RIMS2: variants seen among roughly 807,000 people sequenced by gnomAD.
RIMS2 encodes the protein regulating synaptic membrane exocytosis protein 2.
A neutral mutation model predicts 174.4 loss-of-function variants in RIMS2; 59 were observed. The ratio of observed to expected loss-of-function variants is 0.34; its 90% CI spans 0.27 to 0.42. RIMS2 has a LOEUF of 0.42. RIMS2 is among the 10% of genes least tolerant of loss of function. RIMS2 has a pLI of 1.00. For synonymous variants in RIMS2, 606 were observed against 572.5 expected (o/e 1.06, Z -0.84); for missense variants, 1,620 against 1,666.3 (o/e 0.97, Z 0.48).
rs566187703 is a variant in RIMS2 at position 103,892,358 on chromosome 8, G to A, written c.1624+6135G>A. On this transcript the variant is annotated intron_variant, in intron 4 of 23. Transcript: ENST00000504942. ...GCTGGGACCACAGGCTTTCACCACC[G>A]AGCCCAGCTAATTTTTTTTATTTTT... Among the ~76,000 whole-genome samples the A allele has an allele frequency of 1.8e-3, 275 of 151,358 alleles. 1 individual carries two copies. Among genetic ancestry groups the A allele is most frequent in the African/African-American group, 6.5e-3 (270 of 41,298 alleles).
chr8:103,848,599 C>A (rs1564899000), intron 3 of RIMS2, among the ~76,000 whole-genome samples: 1 of 152,046 alleles, frequency 6.6e-6, no homozygotes, highest in East Asian at 1.9e-4. Flanking sequence ...CCATTTCTAC[C>A]CTGACTACAT....
chr8:104,176,381 T>A (rs976769431), intron 19 of RIMS2, among the ~76,000 whole-genome samples: 1 of 152,110 alleles, frequency 6.6e-6, no homozygotes, highest in Non-Finnish European at 1.5e-5. Context: ...GACTGTATTA[T>A]AAGCTGGACC....
intron 1 of RIMS2, among the ~76,000 whole-genome samples, chr8:103,533,408 G>A (rs868607315): frequency 6.6e-6 from 1 of 152,022 alleles, no homozygotes; most frequent in South Asian, 2.1e-4. Flanking sequence ...TTTTATTTTA[G>A]GAGTTAGTAT....
At chr8:103,536,877 A>G (rs982727864) in intron 1 of RIMS2, among the ~76,000 whole-genome samples, 3 of 152,358 alleles carry the variant, frequency 2.0e-5, no homozygotes, top group African/African-American at 4.8e-5. Context: ...AATAATGTCT[A>G]TTTTTGGATT....
At chr8:103,501,267 A>C in intron 1 of RIMS2, 2 of 320,342 alleles carry the variant, frequency 6.2e-6, no homozygotes, top group Non-Finnish European at 1.2e-5. Flanking sequence ...GGAGGGCGCC[A>C]AGGCCGGCTG....
At chr8:103,876,864 T>TTATTTATA (rs2099140519) in intron 3 of RIMS2, among the ~76,000 whole-genome samples, 1 of 68,104 alleles carries the variant, frequency 1.5e-5, no homozygotes. Context: ...ACACACTATT[T>TTATTTATA]TATATATATA....
At chr8:104,139,791 G>A (rs1599753653) in intron 19 of RIMS2, among the ~76,000 whole-genome samples, 1 of 152,188 alleles carries the variant, frequency 6.6e-6, no homozygotes, top group East Asian at 1.9e-4. Flanking sequence ...AGGACTTCCA[G>A]TATGATGTTG....
chr8:103,826,332 T>C (rs73697683), intron 3 of RIMS2, among the ~76,000 whole-genome samples: 5,572 of 151,960 alleles, frequency 0.037, 330 homozygotes, highest in African/African-American at 0.12. Context: ...TTTTTTTTTT[T>C]CCTTCCAGAA....
At chr8:103,757,069 T>G (rs2098029354) in intron 2 of RIMS2, among the ~76,000 whole-genome samples, 1 of 151,524 alleles carries the variant, frequency 6.6e-6, no homozygotes, top group Non-Finnish European at 1.5e-5. Flanking sequence ...AGAGATTTAC[T>G]TGGCTAGCAT....
At chr8:104,037,789 A>C (rs1009709882) in intron 19 of RIMS2, among the ~76,000 whole-genome samples, 2 of 152,140 alleles carry the variant, frequency 1.3e-5, no homozygotes, top group African/African-American at 4.8e-5. Flanking sequence ...GATTTTATAC[A>C]TGCATTAATA....
chr8:104,214,710 A>C (rs1300336540), intron 19 of RIMS2, among the ~76,000 whole-genome samples: 2 of 152,204 alleles, frequency 1.3e-5, no homozygotes, highest in African/African-American at 4.8e-5. Context: ...GGCCTCCCAA[A>C]GTTACAGGTG....
chr8:103,538,728 G>T (rs1841073173), intron 1 of RIMS2, among the ~76,000 whole-genome samples: 1 of 152,020 alleles, frequency 6.6e-6, no homozygotes, highest in African/African-American at 2.4e-5. Flanking sequence ...TGTTAGCCAG[G>T]GTGGTCTCAA....
At chr8:103,797,698 C>T (rs2098558962) in intron 3 of RIMS2, among the ~76,000 whole-genome samples, 1 of 152,126 alleles carries the variant, frequency 6.6e-6, no homozygotes, top group African/African-American at 2.4e-5. Context: ...GGTGATGGAT[C>T]ATTTTAAGTG....
intron 1 of RIMS2, among the ~76,000 whole-genome samples, chr8:103,666,120 G>C (rs1224382953): frequency 6.6e-6 from 1 of 152,204 alleles, no homozygotes; most frequent in Admixed American, 6.5e-5. Context: ...CACATGGTCA[G>C]AGAGGATTTA....
chr8:103,983,853 G>A, intron 16 of RIMS2, among the ~76,000 whole-genome samples: 1 of 152,096 alleles, frequency 6.6e-6, no homozygotes, highest in East Asian at 1.9e-4. Context: ...AATTTCTTGA[G>A]TAATACCCCA....
chr8:103,592,900 G>T (rs2094326358), intron 1 of RIMS2, among the ~76,000 whole-genome samples: 1 of 151,302 alleles, frequency 6.6e-6, no homozygotes. Flanking sequence ...GAAATGGGAA[G>T]TACTAATAGA....
chr8:104,229,854 T>TA (rs2099214553), intron 19 of RIMS2, among the ~76,000 whole-genome samples: 2 of 152,226 alleles, frequency 1.3e-5, no homozygotes, highest in Non-Finnish European at 2.9e-5. Context: ...TGTATAAATT[T>TA]AGTCACCAAA....
At chr8:103,916,687 C>A in intron 8 of RIMS2, 150 bp downstream of exon 11, 4 of 563,602 alleles carry the variant, frequency 7.1e-6, no homozygotes, top group South Asian at 2.9e-5. Flanking sequence ...AAGCACCACA[C>A]CAAAAATAAT....
At chr8:103,855,805 T>C (rs1274645772) in intron 3 of RIMS2, among the ~76,000 whole-genome samples, 1 of 152,202 alleles carries the variant, frequency 6.6e-6, no homozygotes, top group East Asian at 1.9e-4. Context: ...GTATTCCATG[T>C]GCAGATGGGA....
Sources: allele counts gnomAD v4.1 joint callset (sites outside exome capture counted in the v4.1 genomes callset), GRCh38; gene constraint gnomAD v4.1.1; transcripts MANE v1.5; gene names NCBI Gene and HGNC (gene_info 2026-07-23, HGNC 2026-07-21).